The following TACR1 variants were observed in gnomAD, a reference collection of about 807,000 sequenced individuals.
TACR1 encodes the protein tachykinin receptor 1.
Under a neutral mutation model 35.8 loss-of-function variants are expected in TACR1, and 25 were observed. The observed-to-expected ratio is 0.70, with a 90% CI of 0.51 to 0.98. The LOEUF (loss-of-function observed/expected upper bound fraction) is 0.98. Among genes scored for constraint, TACR1 ranks in the 50% least tolerant of loss-of-function variants. TACR1 has a pLI of 0.00. For missense variants in TACR1, 478 were observed against 522.9 expected (o/e 0.91, Z 0.84); for synonymous variants, 195 against 206.7 (o/e 0.94, Z 0.48).
At chr2:75,054,185 C>T (rs1672527545) in intron 2 of TACR1, among the ~76,000 whole-genome samples, 1 of 152,138 alleles carries the variant, frequency 6.6e-6, no homozygotes, top group Non-Finnish European at 1.5e-5. Context: ...AGTAATTATA[C>T]CACTCAATTC....
intron 2 of TACR1, among the ~76,000 whole-genome samples, chr2:75,062,134 C>T (rs751439031): frequency 6.6e-6 from 1 of 152,184 alleles, no homozygotes; most frequent in Non-Finnish European, 1.5e-5. Context: ...TGACAGCGTC[C>T]TCCTCAGAAA....
At chr2:75,078,013 A>G (rs140220850) in intron 2 of TACR1, among the ~76,000 whole-genome samples, 65 of 152,306 alleles carry the variant, frequency 4.3e-4, no homozygotes, top group African/African-American at 1.5e-3. Flanking sequence ...GACTCCTGAG[A>G]TTGAATTAAC....
intron 2 of TACR1, among the ~76,000 whole-genome samples, chr2:75,070,494 A>G (rs759214449): frequency 1.2e-4 from 18 of 152,186 alleles, no homozygotes; most frequent in Admixed American, 2.6e-4. Flanking sequence ...AGTGAGTAAA[A>G]TTATCCTATT....
intron 1 of TACR1, among the ~76,000 whole-genome samples, chr2:75,186,112 G>C (rs1675688623): frequency 6.6e-6 from 1 of 152,062 alleles, no homozygotes; most frequent in African/African-American, 2.4e-5. Flanking sequence ...TGTGGCTCAC[G>C]CCTGTAATCC....
intron 3 of TACR1, among the ~76,000 whole-genome samples, chr2:75,052,016 A>G (rs1233136840): frequency 4.6e-5 from 7 of 152,122 alleles, no homozygotes; most frequent in Admixed American, 4.6e-4. Flanking sequence ...GAGAAGGGAA[A>G]AGATTTGACT....
At chr2:75,145,652 C>A (rs192786405) in intron 1 of TACR1, among the ~76,000 whole-genome samples, 127 of 152,258 alleles carry the variant, frequency 8.3e-4, no homozygotes, top group Middle Eastern at 3.4e-3. Flanking sequence ...TAAACACGTA[C>A]TGAAATATGT....
intron 1 of TACR1, among the ~76,000 whole-genome samples, chr2:75,147,149 C>T (rs1028669981): frequency 6.6e-6 from 1 of 152,164 alleles, no homozygotes; most frequent in African/African-American, 2.4e-5. Context: ...TAAGCAGATG[C>T]CAGCACTTAA....
intron 2 of TACR1, among the ~76,000 whole-genome samples, chr2:75,082,283 G>T (rs985413908): frequency 1.3e-5 from 2 of 152,132 alleles, no homozygotes; most frequent in African/African-American, 2.4e-5. Context: ...GTATTCCATG[G>T]TGTATATGTG....
chr2:75,171,102 C>A (rs1181979379), intron 1 of TACR1, among the ~76,000 whole-genome samples: 1 of 152,162 alleles, frequency 6.6e-6, no homozygotes, highest in Non-Finnish European at 1.5e-5. Context: ...TCACTGCAGC[C>A]CCTCCCATCA....
chr2:75,075,497 G>A (rs557542312), intron 2 of TACR1, among the ~76,000 whole-genome samples: 17 of 152,252 alleles, frequency 1.1e-4, no homozygotes, highest in African/African-American at 3.6e-4. Flanking sequence ...TTCACAAGAT[G>A]GGTGTTAGGA....
intron 2 of TACR1, among the ~76,000 whole-genome samples, chr2:75,067,251 G>C (rs963352490): frequency 1.3e-5 from 2 of 152,210 alleles, no homozygotes; most frequent in African/African-American, 4.8e-5. Context: ...ACAGTTCTTA[G>C]ATGCTGAATC....
intron 1 of TACR1, among the ~76,000 whole-genome samples, chr2:75,142,966 G>A (rs1317983409): frequency 1.3e-5 from 2 of 152,216 alleles, no homozygotes; most frequent in Non-Finnish European, 2.9e-5. Context: ...TGCTCTGGGT[G>A]CAGGGTGGAT....
chr2:75,155,320 A>G, intron 1 of TACR1, among the ~76,000 whole-genome samples: 1 of 152,040 alleles, frequency 6.6e-6, no homozygotes. Context: ...ATCTGGATTT[A>G]ATTTCCTCTC....
intron 2 of TACR1, among the ~76,000 whole-genome samples, chr2:75,066,440 T>G (rs986997670): frequency 6.6e-6 from 1 of 152,168 alleles, no homozygotes; most frequent in Non-Finnish European, 1.5e-5. Flanking sequence ...AATGAACAAA[T>G]ACGTCAAGCA....
At chr2:75,162,283 T>C (rs12713833) in intron 1 of TACR1, among the ~76,000 whole-genome samples, 72,796 of 152,042 alleles carry the variant, frequency 0.48, 18,320 homozygotes, top group South Asian at 0.55. Flanking sequence ...GTCAAAGGCA[T>C]CCTAAAGTAT....
chr2:75,134,583 G>A (rs1212670375), intron 1 of TACR1, among the ~76,000 whole-genome samples: 1 of 152,188 alleles, frequency 6.6e-6, no homozygotes, highest in East Asian at 1.9e-4. Context: ...TGACCTGAAA[G>A]GTTGAGCTGG....
At chr2:75,160,127 G>A (rs1008518410) in intron 1 of TACR1, among the ~76,000 whole-genome samples, 1 of 152,122 alleles carries the variant, frequency 6.6e-6, no homozygotes, top group Non-Finnish European at 1.5e-5. Context: ...GAAAAGAATT[G>A]TACCAGCAGT....
intron 1 of TACR1, chr2:75,156,090 T>C (rs944287383): frequency 2.0e-5 from 3 of 152,254 alleles, no homozygotes; most frequent in Non-Finnish European, 4.4e-5. Context: ...ATATTGTCTA[T>C]GGCTGCTTTT....
chr2:75,049,303 C>T lies in TACR1; in HGVS notation c.*129G>A. 2 of 1,030,152 alleles carry T rather than the reference C, an allele frequency of 1.9e-6. No homozygotes were observed. The highest frequency in any genetic ancestry group is 3.3e-5 in the South Asian group (2 of 61,000). 63.8% of individuals were successfully genotyped at this position (1,030,152 alleles called of 1,614,324 possible). A position where few individuals can be genotyped will look rare whatever the true frequency, so the allele number is the denominator to read the frequency against. The stretch of plus-strand genomic sequence containing the variant: ...TCAAGGATGGAATGTTTTCCCTAAC[C>T]CATACTGACCCTTTTTGCAAGTCCC... On this transcript the variant is annotated 3_prime_UTR_variant, in exon 5 of 5. Transcript: ENST00000305249.
Sources: gnomAD v4.1 joint callset for allele counts (sites outside exome capture counted in the v4.1 genomes callset) on GRCh38, gnomAD v4.1.1 for gene constraint, MANE v1.5 for transcripts, NCBI Gene and HGNC (gene_info 2026-07-23, HGNC 2026-07-21) for gene names.